Variants in CSMD1 observed in about 807,000 individuals in gnomAD.
The protein encoded by CSMD1 is CUB and sushi domain-containing protein 1.
In CSMD1, 213 loss-of-function variants were observed where a neutral mutation model predicts 417.5. That is an observed-to-expected ratio of 0.51 (90% CI 0.46 to 0.57). The LOEUF is 0.57. Ranked by LOEUF, CSMD1 falls within the 20% of genes least tolerant of loss-of-function variation. The pLI is 0.00. For synonymous variants in CSMD1, 2,862 were observed against 1,736.8 expected, an observed-to-expected ratio of 1.65 and a Z score of -16.11; for missense variants, 6,923 against 4,529.7, an observed-to-expected ratio of 1.53 and a Z score of -15.17.
chr8:3,858,109 G>C (rs1034352813), intron 5 of CSMD1, among the ~76,000 whole-genome samples: 7 of 152,208 alleles, frequency 4.6e-5, no homozygotes, highest in African/African-American at 1.7e-4. Flanking sequence ...TAATAACATA[G>C]TCAAATCACT....
At chr8:3,906,925 C>T (rs781567322) in intron 5 of CSMD1, among the ~76,000 whole-genome samples, 2 of 152,160 alleles carry the variant, frequency 1.3e-5, no homozygotes, top group Non-Finnish European at 2.9e-5. Context: ...GACAAGTGAA[C>T]CTTACCCATC....
chr8:3,314,637 G>C lies in CSMD1; in HGVS notation c.3632-6134C>G, dbSNP rs183494888. ...AGTCAAAGCACAGCCAAAATACTAC[G>C]AACAAAATGTTCTAATCAAAACAAG... On this transcript the variant is annotated intron_variant, in intron 23 of 69. Transcript: ENST00000635120. 2.0e-3 allele frequency among the ~76,000 whole-genome samples: 308 copies of C among 152,228 alleles called. 2 individuals carry two copies. The highest frequency in any genetic ancestry group is 6.8e-3 in the African/African-American group (281 of 41,550).
At chr8:4,133,034 A>T (rs1803205083) in intron 3 of CSMD1, among the ~76,000 whole-genome samples, 1 of 152,084 alleles carries the variant, frequency 6.6e-6, no homozygotes, top group South Asian at 2.1e-4. Context: ...CCCGGGTTAA[A>T]GCGATTCTTT....
intron 12 of CSMD1, among the ~76,000 whole-genome samples, chr8:3,445,442 G>A (rs755640802): frequency 4.9e-4 from 75 of 152,188 alleles, no homozygotes; most frequent in Admixed American, 1.6e-3. Context: ...AAGAGAAAGT[G>A]AATTACAAAG....
intron 5 of CSMD1, among the ~76,000 whole-genome samples, chr8:3,760,988 C>G (rs1161616564): frequency 1.3e-5 from 2 of 151,818 alleles, no homozygotes; most frequent in East Asian, 1.9e-4. Context: ...TCTGGACATG[C>G]AATCCAAATG....
chr8:2,995,052 G>A (rs142812451), intron 54 of CSMD1, among the ~76,000 whole-genome samples: 1,698 of 152,248 alleles, frequency 0.011, 19 homozygotes, highest in Middle Eastern at 0.027. Flanking sequence ...AAGAAAAGAC[G>A]ATGAATTTAA....
intron 1 of CSMD1, among the ~76,000 whole-genome samples, chr8:4,874,863 T>C (rs1166284913): frequency 6.7e-6 from 1 of 148,476 alleles, no homozygotes; most frequent in Non-Finnish European, 1.5e-5. Context: ...TTAAATATAG[T>C]ATAGTGTATA....
intron 7 of CSMD1, among the ~76,000 whole-genome samples, chr8:3,648,815 C>A (rs943077307): frequency 1.3e-5 from 2 of 151,792 alleles, no homozygotes; most frequent in African/African-American, 2.4e-5. Flanking sequence ...CCTCTCAGAA[C>A]ATGACATTTC....
intron 25 of CSMD1, among the ~76,000 whole-genome samples, chr8:3,285,122 A>C (rs572095839): frequency 6.6e-6 from 1 of 152,156 alleles, no homozygotes; most frequent in African/African-American, 2.4e-5. Flanking sequence ...GGTCTGATTT[A>C]CAGTTTTTTA....
rs112103899 is a variant in CSMD1, at chr8:4,218,271, T to C, written c.416-186172A>G. Among the ~76,000 whole-genome samples, 1,325 of 152,292 alleles carry C rather than the reference T, an allele frequency of 8.7e-3. 22 individuals carry two copies. Among genetic ancestry groups the C allele is most frequent in the African/African-American group, 0.03 (1,240 of 41,558 alleles). ...AATTTATCTGAATTGCGTGTGACAA[T>C]AGCAATACATCCAAGTTTGACTTTC... On this transcript the variant is annotated intron_variant, in intron 3 of 69. Coordinates refer to ENST00000635120, the MANE Select transcript of CSMD1 (RefSeq NM_033225.6).
intron 5 of CSMD1, among the ~76,000 whole-genome samples, chr8:3,774,519 A>G (rs1798796537): frequency 6.6e-6 from 1 of 152,158 alleles, no homozygotes; most frequent in African/African-American, 2.4e-5. Context: ...GATGCTGAAT[A>G]CATGAATTGG....
At position 4,031,805 on chromosome 8, in the gene CSMD1, C is replaced by G; in HGVS notation, c.610+100G>C. On this transcript the variant is annotated intron_variant, in intron 4 of 69. Coordinates refer to ENST00000635120, the MANE Select transcript of CSMD1 (RefSeq NM_033225.6). Reference sequence around the variant, plus strand: ...GCTGACATTGTAAGAGTCAGCTCAACATGTATTATTTTCATTTAAGTGGAA... The same window carrying G: ...GCTGACATTGTAAGAGTCAGCTCAAGATGTATTATTTTCATTTAAGTGGAA... 3 of 868,696 alleles carry G rather than the reference C, an allele frequency of 3.5e-6. No homozygotes were observed. The South Asian group carries it at 7.1e-5, about 21-fold the overall frequency. The allele number at this position is 868,696 out of a possible 1,614,324, so 53.8% of individuals were successfully genotyped here.
At chr8:4,241,649 T>C (rs768898053) in intron 3 of CSMD1, among the ~76,000 whole-genome samples, 1 of 152,160 alleles carries the variant, frequency 6.6e-6, no homozygotes, top group East Asian at 1.9e-4. Flanking sequence ...ATCAAAATCA[T>C]TACAAATGGT....
intron 3 of CSMD1, among the ~76,000 whole-genome samples, chr8:4,069,326 A>G (rs773269556): frequency 1.7e-4 from 26 of 152,200 alleles, no homozygotes; most frequent in Non-Finnish European, 3.2e-4. Context: ...AAAGTCAACA[A>G]AATTCCAACT....
chr8:3,077,214 C>A (rs9792185), intron 49 of CSMD1, among the ~76,000 whole-genome samples: 46,422 of 151,332 alleles, frequency 0.31, 7,271 homozygotes, highest in East Asian at 0.38. Context: ...AGGTGAGAAC[C>A]ATTGGTCATG....
At chr8:3,884,882 AATT>A (rs1170012961) in intron 5 of CSMD1, among the ~76,000 whole-genome samples, 1 of 150,492 alleles carries the variant, frequency 6.6e-6, no homozygotes, top group African/African-American at 2.4e-5. Context: ...CTACCATAAA[AATT>A]ATAACTTTTA....
At chr8:4,933,980 C>A (rs1010985588) in intron 1 of CSMD1, among the ~76,000 whole-genome samples, 15 of 151,650 alleles carry the variant, frequency 9.9e-5, no homozygotes, top group South Asian at 2.1e-4. Flanking sequence ...TCTCACTCAA[C>A]AGTTACTTAC....
At chr8:4,330,582 C>A (rs1050384306) in intron 3 of CSMD1, among the ~76,000 whole-genome samples, 2 of 130,206 alleles carry the variant, frequency 1.5e-5, no homozygotes, top group South Asian at 2.6e-4. Context: ...AGAGTGAAAC[C>A]CTGTCTCAAA....
At chr8:3,313,419 GA>G (rs71088300) in intron 23 of CSMD1, among the ~76,000 whole-genome samples, 1 of 151,910 alleles carries the variant, frequency 6.6e-6, no homozygotes, top group African/African-American at 2.4e-5. Context: ...AAATTTACAA[GA>G]AAAAAACAAC....
Sources: gnomAD v4.1 joint callset for allele counts (sites outside exome capture counted in the v4.1 genomes callset) on GRCh38, gnomAD v4.1.1 for gene constraint, MANE v1.5 for transcripts, NCBI Gene and HGNC (gene_info 2026-07-23, HGNC 2026-07-21) for gene names.